Variants in CRPPA observed in about 807,000 individuals in gnomAD.
CRPPA encodes CDP-L-ribitol pyrophosphorylase A, also known as D-ribitol-5-phosphate cytidylyltransferase.
CRPPA carries 43 observed loss-of-function variants against 52.0 expected under a neutral mutation model. That is an observed-to-expected ratio of 0.83 (90% CI 0.65 to 1.07). The LOEUF is 1.07. Ranked by LOEUF, CRPPA falls within the 50% of genes least tolerant of loss-of-function variation. The pLI is 0.00. For missense variants in CRPPA, 629 were observed against 551.7 expected, an observed-to-expected ratio of 1.14 and a Z score of -1.40; for synonymous variants, 250 against 203.5, an observed-to-expected ratio of 1.23 and a Z score of -1.94.
intron 8 of CRPPA, among the ~76,000 whole-genome samples, chr7:16,234,718 G>C (rs1156961233): frequency 6.6e-6 from 1 of 152,006 alleles, no homozygotes; most frequent in Non-Finnish European, 1.5e-5. Flanking sequence ...ACATAACTTG[G>C]AACATCAAGT....
At chr7:16,113,230 C>T (rs1355150665) in intron 9 of CRPPA, among the ~76,000 whole-genome samples, 1 of 151,712 alleles carries the variant, frequency 6.6e-6, no homozygotes. Flanking sequence ...GATTCAGTTG[C>T]AGAGAGAATT....
Position 16,278,215 on chromosome 7 carries a change from G to C in CRPPA, c.847C>G (p.Gln283Glu), listed in dbSNP as rs750477422. 1 of 1,541,582 alleles carries C rather than the reference G, an allele frequency of 6.5e-7. No homozygotes were observed. The highest frequency in any genetic ancestry group is 1.9e-5 in the Admixed American group (1 of 52,572). The change falls in exon 6 of 10, where the codon CAA becomes GAA. Residue 283 changes from glutamine to glutamate, a missense_variant. By Grantham distance (29) the Gln-to-Glu change is conservative. Transcript: ENST00000407010. ...GTATCCATAACTACACAAATCTCTTGGGAAATTCTCTCTGAAATTAAAAAA... is the reference window on the plus strand; with the variant it reads ...GTATCCATAACTACACAAATCTCTTCGGAAATTCTCTCTGAAATTAAAAAA... ...AESIIKERIS[Q>E]EICVVMDTEE...
At chr7:16,176,246 C>A (rs962904629) in intron 9 of CRPPA, among the ~76,000 whole-genome samples, 14 of 151,918 alleles carry the variant, frequency 9.2e-5, no homozygotes, top group African/African-American at 3.4e-4. Context: ...AGAGAGAAGA[C>A]CAAATGTCAG....
At chr7:16,364,036 A>G (rs941264176) in intron 3 of CRPPA, among the ~76,000 whole-genome samples, 1 of 152,224 alleles carries the variant, frequency 6.6e-6, no homozygotes, top group East Asian at 1.9e-4. Context: ...GAATTATACT[A>G]TCTTCACAAA....
At chr7:16,100,796 C>T (rs562392441) in intron 9 of CRPPA, among the ~76,000 whole-genome samples, 6 of 152,138 alleles carry the variant, frequency 3.9e-5, no homozygotes, top group African/African-American at 9.6e-5. Flanking sequence ...GTTTGTCATA[C>T]GTAGCTCTTA....
chr7:16,322,234 G>A (rs570445448), intron 3 of CRPPA, among the ~76,000 whole-genome samples: 17 of 152,242 alleles, frequency 1.1e-4, no homozygotes, highest in East Asian at 3.9e-4. Flanking sequence ...AAATAAAAGC[G>A]GAAGGGAAAC....
intron 3 of CRPPA, among the ~76,000 whole-genome samples, chr7:16,333,068 A>G (rs1785592885): frequency 6.6e-6 from 1 of 152,224 alleles, no homozygotes; most frequent in Admixed American, 6.5e-5. Flanking sequence ...CTAAGAAGAC[A>G]TAATAATCTT....
chr7:16,384,668 G>A (rs1382878740), intron 2 of CRPPA, among the ~76,000 whole-genome samples: 2 of 152,304 alleles, frequency 1.3e-5, no homozygotes, highest in Admixed American at 6.5e-5. Context: ...ATACTCAAGT[G>A]TCCACCCTCT....
At chr7:16,286,062 T>TAATATTTAAA (rs1562608493) in intron 5 of CRPPA, among the ~76,000 whole-genome samples, 4 of 32,362 alleles carry the variant, frequency 1.2e-4, no homozygotes, top group African/African-American at 8.1e-4. Flanking sequence ...TATATATATA[T>TAATATTTAAA]ATATATATAT....
chr7:16,237,520 A>G (rs1345400734), intron 8 of CRPPA: 1 of 152,176 alleles, frequency 6.6e-6, no homozygotes, highest in African/African-American at 2.4e-5. Flanking sequence ...TAATACCATC[A>G]TTATGGGGGT....
chr7:16,314,840 G>C (rs535176941), intron 3 of CRPPA, among the ~76,000 whole-genome samples: 2 of 152,036 alleles, frequency 1.3e-5, no homozygotes, highest in South Asian at 4.1e-4. Context: ...TGTAGCTTGA[G>C]TATAATATGC....
intron 9 of CRPPA, among the ~76,000 whole-genome samples, chr7:16,202,496 C>A (rs1583425802): frequency 6.6e-6 from 1 of 152,168 alleles, no homozygotes; most frequent in African/African-American, 2.4e-5. Flanking sequence ...AGGCACCATT[C>A]CAGTTCTAGA....
intron 9 of CRPPA, among the ~76,000 whole-genome samples, chr7:16,098,985 A>G (rs1562502159): frequency 6.6e-6 from 1 of 152,256 alleles, no homozygotes; most frequent in African/African-American, 2.4e-5. Context: ...ACTGATTAAC[A>G]TAATCATCGC....
At chr7:16,194,544 C>A (rs1404248529) in intron 9 of CRPPA, among the ~76,000 whole-genome samples, 2 of 152,080 alleles carry the variant, frequency 1.3e-5, no homozygotes, top group African/African-American at 2.4e-5. Flanking sequence ...AAAGAGAAAA[C>A]CTATGGAAAG....
At chr7:16,260,927 T>G (rs1403947864) in intron 6 of CRPPA, among the ~76,000 whole-genome samples, 1 of 152,022 alleles carries the variant, frequency 6.6e-6, no homozygotes, top group African/African-American at 2.4e-5. Context: ...TTGCCACCAG[T>G]TTTTTAAAGA....
intron 3 of CRPPA, among the ~76,000 whole-genome samples, chr7:16,335,447 T>C (rs888496459): frequency 6.6e-5 from 10 of 151,970 alleles, no homozygotes; most frequent in African/African-American, 1.2e-4. Flanking sequence ...AATGAGAAGT[T>C]TGACAAAGAA....
At chr7:16,328,754 A>G (rs1314787523) in intron 3 of CRPPA, among the ~76,000 whole-genome samples, 1 of 152,106 alleles carries the variant, frequency 6.6e-6, no homozygotes, top group African/African-American at 2.4e-5. Flanking sequence ...ACCTCAGGTG[A>G]TCCACCCGCC....
chr7:16,390,285 A>T (rs767909738), intron 2 of CRPPA, among the ~76,000 whole-genome samples: 3 of 152,104 alleles, frequency 2.0e-5, no homozygotes, highest in African/African-American at 7.2e-5. Flanking sequence ...CTTTCGATAT[A>T]TATCTTCTTC....
intron 8 of CRPPA, among the ~76,000 whole-genome samples, chr7:16,251,483 C>T (rs1783447014): frequency 6.6e-6 from 1 of 152,066 alleles, no homozygotes; most frequent in Admixed American, 6.5e-5. Context: ...GGAAGTAAAA[C>T]ACTCCTCAGC....
Sources: allele counts gnomAD v4.1 joint callset (sites outside exome capture counted in the v4.1 genomes callset), GRCh38; gene constraint gnomAD v4.1.1; transcripts MANE v1.5; gene names NCBI Gene and HGNC (gene_info 2026-07-23, HGNC 2026-07-21).